Variants in TMEM178B observed in about 807,000 individuals in gnomAD.
TMEM178B encodes the protein transmembrane protein 178B.
A neutral mutation model predicts 31.0 loss-of-function variants in TMEM178B; 5 were observed. That is an observed-to-expected ratio of 0.16 (90% confidence interval 0.08 to 0.34). The LOEUF is 0.34. Ranked by LOEUF, TMEM178B falls within the 10% of genes least tolerant of loss-of-function variation. The pLI, the probability that TMEM178B is intolerant of heterozygous loss-of-function variation, is 1.00. For synonymous variants in TMEM178B, 164 were observed against 164.0 expected, an observed-to-expected ratio of 1.00 and a Z score of 0.00; for missense variants, 275 against 400.3, an observed-to-expected ratio of 0.69 and a Z score of 2.67.
At chr7:141,511,269 G>A in the TMEM178B span, among the ~76,000 whole-genome samples, 1 of 51,502 alleles carries the variant, frequency 1.9e-5, no homozygotes, top group Non-Finnish European at 4.8e-5. Context: ...GTGGGCCCAA[G>A]AGAAGTCTCA....
chr7:141,413,415 A>C (rs1361488386), intron 2 of TMEM178B, among the ~76,000 whole-genome samples: 2 of 152,222 alleles, frequency 1.3e-5, no homozygotes, highest in Non-Finnish European at 2.9e-5. Context: ...GACAAATGGC[A>C]TAACAGCCTT....
At chr7:141,506,738 C>T in the TMEM178B span, among the ~76,000 whole-genome samples, 4,222 of 152,232 alleles carry the variant, frequency 0.028, 200 homozygotes, top group African/African-American at 0.097. Context: ...AGTCTTGACT[C>T]ATTTCAGCAT....
At chr7:141,161,141 C>G (rs1796165216) in intron 1 of TMEM178B, among the ~76,000 whole-genome samples, 1 of 152,178 alleles carries the variant, frequency 6.6e-6, no homozygotes, top group South Asian at 2.1e-4. Flanking sequence ...AGGCACGAAC[C>G]ACTGCGCCCG....
At chr7:141,125,620 C>T (rs2129176986) in intron 1 of TMEM178B, among the ~76,000 whole-genome samples, 1 of 146,176 alleles carries the variant, frequency 6.8e-6, no homozygotes, top group South Asian at 2.2e-4. Flanking sequence ...GTGGGGGTTG[C>T]AGTGAGCCAA....
intron 2 of TMEM178B, among the ~76,000 whole-genome samples, chr7:141,343,960 C>T (rs1292013577): frequency 6.6e-6 from 1 of 152,168 alleles, no homozygotes; most frequent in Non-Finnish European, 1.5e-5. Flanking sequence ...TGATCTTGGC[C>T]TGTGATTCTC....
chr7:141,106,014 G>A (rs916238419), intron 1 of TMEM178B, among the ~76,000 whole-genome samples: 7 of 150,410 alleles, frequency 4.7e-5, no homozygotes, highest in Middle Eastern at 3.6e-3. Flanking sequence ...AGAATTGCTT[G>A]AGCCTGGGAG....
At chr7:141,506,007 G>A in the TMEM178B span, among the ~76,000 whole-genome samples, 3 of 152,196 alleles carry the variant, frequency 2.0e-5, no homozygotes, top group Non-Finnish European at 2.9e-5. Context: ...GAGGTTATGG[G>A]CCAGGTCCCT....
chr7:141,138,636 A>C (rs1261521970), intron 1 of TMEM178B, among the ~76,000 whole-genome samples: 1 of 151,982 alleles, frequency 6.6e-6, no homozygotes, highest in Non-Finnish European at 1.5e-5. Context: ...GAAAAAAAAA[A>C]CCTGTTTCAA....
At chr7:141,168,368 C>G (rs904714259) in intron 1 of TMEM178B, among the ~76,000 whole-genome samples, 1 of 152,160 alleles carries the variant, frequency 6.6e-6, no homozygotes, top group African/African-American at 2.4e-5. Flanking sequence ...GAATGGGAAC[C>G]AAGGCTATTC....
chr7:141,430,985 C>A (rs1450602178), intron 2 of TMEM178B, among the ~76,000 whole-genome samples: 1 of 152,202 alleles, frequency 6.6e-6, no homozygotes, highest in East Asian at 1.9e-4. Flanking sequence ...TTCCAGCAGA[C>A]CTCCCCAGGA....
chr7:141,374,162 T>A (rs779446195), intron 2 of TMEM178B, among the ~76,000 whole-genome samples: 11 of 152,152 alleles, frequency 7.2e-5, no homozygotes, highest in Non-Finnish European at 1.3e-4. Flanking sequence ...CAGGAGCAGC[T>A]CCTTCTTCAT....
At chr7:141,267,873 C>G (rs1321634315) in intron 2 of TMEM178B, among the ~76,000 whole-genome samples, 1 of 152,220 alleles carries the variant, frequency 6.6e-6, no homozygotes, top group Non-Finnish European at 1.5e-5. Context: ...CCATTTCCTC[C>G]TCAGAACATA....
chr7:141,234,121 GT>G (rs1357083419), intron 2 of TMEM178B, among the ~76,000 whole-genome samples: 4 of 152,202 alleles, frequency 2.6e-5, no homozygotes, highest in African/African-American at 9.6e-5. Flanking sequence ...CTAGTCTACA[GT>G]TATATGTAAA....
intron 1 of TMEM178B, among the ~76,000 whole-genome samples, chr7:141,172,856 A>G (rs1796370205): frequency 6.6e-6 from 1 of 152,206 alleles, no homozygotes; most frequent in Non-Finnish European, 1.5e-5. Context: ...TCCTGATTAA[A>G]TTATTCCTTA....
rs1794558312 is a variant in TMEM178B at position 141,074,267 on chromosome 7, G to A, written c.-44G>A. On this transcript the variant is annotated 5_prime_UTR_variant, in exon 1 of 4. Transcript: ENST00000565468. The surrounding 1 kb of genome is among the most constrained non-coding windows in gnomAD (Gnocchi z 5.1). The stretch of plus-strand genomic sequence containing the variant: ...TTCCGGGTGCGGCGAGGGAAGGCGA[G>A]GCTGCGGCGGATCATGCCCATGGTG... The A allele has an allele frequency of 3.4e-6, 5 of 1,463,486 alleles. No individual in the cohort carries two copies. The South Asian group carries it at 6.8e-5, about 20-fold the overall frequency. 90.7% of individuals were successfully genotyped at this position (1,463,486 alleles called of 1,614,324 possible). A position where few individuals can be genotyped will look rare whatever the true frequency, so the allele number is the denominator to read the frequency against.
At chr7:141,303,909 T>C (rs1348168587) in intron 2 of TMEM178B, among the ~76,000 whole-genome samples, 1 of 152,192 alleles carries the variant, frequency 6.6e-6, no homozygotes, top group Non-Finnish European at 1.5e-5. Context: ...AAAATAACTC[T>C]ATGACGTATG....
intron 1 of TMEM178B, among the ~76,000 whole-genome samples, chr7:141,114,079 G>A (rs902017461): frequency 6.6e-6 from 1 of 152,246 alleles, no homozygotes; most frequent in African/African-American, 2.4e-5. Context: ...GATGACCACA[G>A]AAGAGCATTG....
chr7:141,210,996 G>C (rs184185899), intron 1 of TMEM178B, among the ~76,000 whole-genome samples: 68 of 152,276 alleles, frequency 4.5e-4, no homozygotes, highest in African/African-American at 1.5e-3. Flanking sequence ...CTGGATGGGA[G>C]GTGATGCTAT....
chr7:141,333,294 T>C (rs1799327772), intron 2 of TMEM178B, among the ~76,000 whole-genome samples: 1 of 152,186 alleles, frequency 6.6e-6, no homozygotes, highest in East Asian at 1.9e-4. Context: ...CCTCTTCACT[T>C]CCCCAGCATC....
Sources: allele counts gnomAD v4.1 joint callset (sites outside exome capture counted in the v4.1 genomes callset), GRCh38; gene constraint gnomAD v4.1.1; non-coding constraint Gnocchi (gnomAD v3.1); transcripts MANE v1.5; gene names NCBI Gene and HGNC (gene_info 2026-07-23, HGNC 2026-07-21).